Variants in DRC8 observed in about 807,000 individuals in gnomAD.
The protein encoded by DRC8 is dynein regulatory complex subunit 8.
chr1:245,101,762 C>G, the DRC8 span, among the ~76,000 whole-genome samples: 2 of 151,748 alleles, frequency 1.3e-5, no homozygotes, highest in African/African-American at 4.8e-5. Flanking sequence ...GTATTTTTTG[C>G]TTTTTAGTAT....
chr1:245,077,070 A>ACTT, the DRC8 span, among the ~76,000 whole-genome samples: 1 of 152,044 alleles, frequency 6.6e-6, no homozygotes, highest in African/African-American at 2.4e-5. Context: ...ACTTGATCAG[A>ACTT]CTTCTGCTTG....
chr1:245,034,478 G>A, the DRC8 span, among the ~76,000 whole-genome samples: 2 of 151,772 alleles, frequency 1.3e-5, no homozygotes, highest in African/African-American at 4.8e-5. Flanking sequence ...GCATGCACCT[G>A]TAATCCCATC....
the DRC8 span, among the ~76,000 whole-genome samples, chr1:245,034,742 C>CA: frequency 6.7e-6 from 1 of 148,822 alleles, no homozygotes; most frequent in Non-Finnish European, 1.5e-5. Context: ...ACATCCAACT[C>CA]AAAAAAGCTA....
At chr1:244,999,910 C>A in the DRC8 span, among the ~76,000 whole-genome samples, 3 of 152,308 alleles carry the variant, frequency 2.0e-5, no homozygotes, top group African/African-American at 7.2e-5. Flanking sequence ...CCTCTGCCTC[C>A]CGGGTTCAAG....
At chr1:245,098,840 C>A in the DRC8 span, among the ~76,000 whole-genome samples, 1 of 152,190 alleles carries the variant, frequency 6.6e-6, no homozygotes, top group South Asian at 2.1e-4. Flanking sequence ...GACTGCAGAA[C>A]TGAACGGAGT....
chr1:245,062,756 G>T, the DRC8 span, among the ~76,000 whole-genome samples: 1 of 152,168 alleles, frequency 6.6e-6, no homozygotes, highest in Non-Finnish European at 1.5e-5. Flanking sequence ...ATGTTAGGCA[G>T]CACCTTTGTT....
chr1:244,987,708 A>C, the DRC8 span, among the ~76,000 whole-genome samples: 9 of 152,094 alleles, frequency 5.9e-5, no homozygotes, highest in African/African-American at 2.2e-4. Flanking sequence ...ATAGAACAAT[A>C]ACATTATCTG....
the DRC8 span, among the ~76,000 whole-genome samples, chr1:245,060,884 A>G: frequency 1.3e-5 from 2 of 152,288 alleles, no homozygotes; most frequent in Non-Finnish European, 2.9e-5. Context: ...CCGCCTGTGC[A>G]TGTAAATAAA....
chr1:244,988,509 AAG>A, the DRC8 span, among the ~76,000 whole-genome samples: 2 of 152,224 alleles, frequency 1.3e-5, no homozygotes, highest in Admixed American at 1.3e-4. Context: ...ATATTTAGGA[AAG>A]ATGATATGCG....
At chr1:245,004,821 C>T in the DRC8 span, among the ~76,000 whole-genome samples, 1 of 152,164 alleles carries the variant, frequency 6.6e-6, no homozygotes, top group Admixed American at 6.5e-5. Context: ...TGAGGAAGTT[C>T]ACTTCTATTC....
the DRC8 span, among the ~76,000 whole-genome samples, chr1:244,997,122 C>T: frequency 1.3e-5 from 2 of 152,204 alleles, no homozygotes; most frequent in East Asian, 1.9e-4. Flanking sequence ...GCAGTTTTTT[C>T]CCCAAATATT....
the DRC8 span, among the ~76,000 whole-genome samples, chr1:244,987,028 C>T: frequency 6.6e-6 from 1 of 152,120 alleles, no homozygotes; most frequent in Admixed American, 6.5e-5. Flanking sequence ...CTCCGTAGGG[C>T]TGTCTGTGTA....
At chr1:244,993,822 A>G in the DRC8 span, among the ~76,000 whole-genome samples, 10 of 152,228 alleles carry the variant, frequency 6.6e-5, no homozygotes, top group African/African-American at 2.2e-4. Context: ...ACGTGCTCCT[A>G]AGATAACAGC....
chr1:245,105,631 A>AC, the DRC8 span, among the ~76,000 whole-genome samples: 13 of 150,854 alleles, frequency 8.6e-5, no homozygotes, highest in Admixed American at 2.0e-4. Context: ...TCAAAAAAAA[A>AC]AAAAAAACAA....
the DRC8 span, among the ~76,000 whole-genome samples, chr1:245,071,411 AGACATAAAT>A: frequency 6.6e-6 from 1 of 152,252 alleles, no homozygotes; most frequent in African/African-American, 2.4e-5. Flanking sequence ...TTGAGGTCAC[AGACATAAAT>A]GAGGGATGAG....
chr1:245,099,292 G>A, the DRC8 span, among the ~76,000 whole-genome samples: 12 of 152,172 alleles, frequency 7.9e-5, no homozygotes, highest in African/African-American at 2.7e-4. Flanking sequence ...CTCAAGGGGG[G>A]GCTTTTTCAA....
At chr1:245,005,499 C>T in the DRC8 span, among the ~76,000 whole-genome samples, 9 of 151,900 alleles carry the variant, frequency 5.9e-5, 1 homozygote, top group South Asian at 1.9e-3. Flanking sequence ...TACAGGCGCA[C>T]ACCACCACAC....
chr1:245,087,526 AT>A, the DRC8 span: 7 of 1,347,154 alleles, frequency 5.2e-6, no homozygotes, highest in African/African-American at 9.1e-5. Context: ...TTTAAACCAA[AT>A]TTAGTATGTC....
the DRC8 span, among the ~76,000 whole-genome samples, chr1:245,110,766 G>A: frequency 6.6e-6 from 1 of 152,252 alleles, no homozygotes; most frequent in African/African-American, 2.4e-5. Context: ...AGTCACAGTG[G>A]TCAGTGGCTC....
Sources: allele counts gnomAD v4.1 joint callset (sites outside exome capture counted in the v4.1 genomes callset), GRCh38; gene constraint gnomAD v4.1.1; transcripts MANE v1.5; gene names NCBI Gene and HGNC (gene_info 2026-07-23, HGNC 2026-07-21).